TAFA2: variants seen among roughly 807,000 people sequenced by gnomAD.
TAFA2 encodes the protein TAFA chemokine like family member 2.
In TAFA2, 7 loss-of-function variants were observed where a neutral mutation model predicts 18.8. The observed-to-expected ratio is 0.37, with a 90% CI of 0.21 to 0.70. The LOEUF (loss-of-function observed/expected upper bound fraction) is 0.70. TAFA2 is among the 30% of genes least tolerant of loss of function. The pLI is 0.53. For missense variants in TAFA2, 122 were observed against 158.1 expected (o/e 0.77, Z 1.23); for synonymous variants, 60 against 54.2 (o/e 1.11, Z -0.47).
chr12:62,251,094 T>C (rs1183787589), intron 1 of TAFA2, among the ~76,000 whole-genome samples: 1 of 152,212 alleles, frequency 6.6e-6, no homozygotes, highest in Non-Finnish European at 1.5e-5. Context: ...AGTACAGTGC[T>C]GCCATAACTA....
At chr12:61,746,060 T>A (rs529878999) in intron 4 of TAFA2, among the ~76,000 whole-genome samples, 85 of 152,150 alleles carry the variant, frequency 5.6e-4, no homozygotes, top group African/African-American at 2.0e-3. Flanking sequence ...TTTAGTTGTG[T>A]CCCCACCCAA....
chr12:62,087,235 C>T (rs1355995026), intron 1 of TAFA2, among the ~76,000 whole-genome samples: 1 of 151,984 alleles, frequency 6.6e-6, no homozygotes, highest in Non-Finnish European at 1.5e-5. Flanking sequence ...GATGGTTATA[C>T]AACAATGTGA....
At chr12:62,223,229 AG>A (rs533521625) in intron 1 of TAFA2, among the ~76,000 whole-genome samples, 1 of 152,270 alleles carries the variant, frequency 6.6e-6, no homozygotes, top group African/African-American at 2.4e-5. Flanking sequence ...GGAATGGTGC[AG>A]GGGCATGATC....
intron 1 of TAFA2, among the ~76,000 whole-genome samples, chr12:62,002,947 A>T (rs1565711927): frequency 2.0e-5 from 3 of 151,994 alleles, no homozygotes; most frequent in African/African-American, 7.3e-5. Context: ...AATTCTACCA[A>T]TTTTTTATGT....
intron 1 of TAFA2, among the ~76,000 whole-genome samples, chr12:61,930,346 T>A (rs1005290321): frequency 1.3e-5 from 2 of 152,156 alleles, no homozygotes; most frequent in Non-Finnish European, 2.9e-5. Flanking sequence ...TAAAAAATTA[T>A]AAGGAAGTTT....
At chr12:61,747,097 G>C (rs1475001880) in intron 4 of TAFA2, among the ~76,000 whole-genome samples, 2 of 152,144 alleles carry the variant, frequency 1.3e-5, no homozygotes, top group African/African-American at 2.4e-5. Flanking sequence ...CATTTATGCA[G>C]CCAAAAAACA....
intron 1 of TAFA2, among the ~76,000 whole-genome samples, chr12:61,960,784 A>AC (rs1878857288): frequency 6.6e-6 from 1 of 151,724 alleles, no homozygotes; most frequent in Admixed American, 6.6e-5. Context: ...CCAAAAAAAA[A>AC]AAAAATCTTC....
intron 4 of TAFA2, 118 bp from the exon 5 acceptor site, chr12:61,710,535 AT>A (rs1869350158): frequency 1.3e-6 from 1 of 745,098 alleles, no homozygotes; most frequent in Non-Finnish European, 2.2e-6. Flanking sequence ...TATCAAATGC[AT>A]TACTTAATTT....
chr12:61,717,150 T>TA (rs1433711560), intron 4 of TAFA2, among the ~76,000 whole-genome samples: 1 of 152,224 alleles, frequency 6.6e-6, no homozygotes, highest in Admixed American at 6.5e-5. Flanking sequence ...TACTCTGCAG[T>TA]AGCAGGTTTT....
chr12:61,874,734 A>G (rs1212897600), intron 1 of TAFA2, among the ~76,000 whole-genome samples: 1 of 152,158 alleles, frequency 6.6e-6, no homozygotes, highest in Non-Finnish European at 1.5e-5. Context: ...TCCAAAACAG[A>G]AGACAATGCT....
intron 1 of TAFA2, among the ~76,000 whole-genome samples, chr12:61,907,479 A>C (rs1343491948): frequency 6.6e-6 from 1 of 152,206 alleles, no homozygotes; most frequent in Non-Finnish European, 1.5e-5. Context: ...GGGAACCTCC[A>C]CCTAGATTTC....
chr12:61,800,567 C>T (rs903475619), intron 2 of TAFA2, among the ~76,000 whole-genome samples: 1 of 152,040 alleles, frequency 6.6e-6, no homozygotes, highest in Non-Finnish European at 1.5e-5. Flanking sequence ...TTTGCTACAA[C>T]AGTGAAATCT....
chr12:62,026,331 A>G (rs1227938193), intron 1 of TAFA2, among the ~76,000 whole-genome samples: 1 of 152,138 alleles, frequency 6.6e-6, no homozygotes, highest in Non-Finnish European at 1.5e-5. Flanking sequence ...AGTTCCTTTG[A>G]GGTTTGCCCT....
intron 1 of TAFA2, among the ~76,000 whole-genome samples, chr12:62,028,013 G>C (rs552765152): frequency 9.2e-5 from 14 of 152,210 alleles, no homozygotes; most frequent in Admixed American, 2.6e-4. Flanking sequence ...CTAGGTCTTG[G>C]TTTCCTAACT....
chr12:62,168,035 T>G (rs74669911), intron 1 of TAFA2, among the ~76,000 whole-genome samples: 2,313 of 152,276 alleles, frequency 0.015, 66 homozygotes, highest in African/African-American at 0.052. Flanking sequence ...ATGCTAAAGA[T>G]TCCACTAATA....
rs150784945 is a variant in TAFA2, at chr12:62,073,212, C to T, written c.-2+118047G>A. Among the ~76,000 whole-genome samples the T allele has an allele frequency of 6.1e-3, 935 of 152,304 alleles. 17 individuals are homozygous for T. The highest frequency in any genetic ancestry group is 0.022 in the African/African-American group (906 of 41,552). On this transcript the variant is annotated intron_variant, in intron 1 of 4. Transcript: ENST00000416284. The stretch of plus-strand genomic sequence containing the variant: ...AATCTGAAAAACATCCTACGGATAT[C>T]CTAAATGTTCACCAGAAGATTTCAC...
chr12:62,172,544 C>T (rs2062485191), intron 1 of TAFA2, among the ~76,000 whole-genome samples: 1 of 152,128 alleles, frequency 6.6e-6, no homozygotes, highest in Non-Finnish European at 1.5e-5. Context: ...AATGAAGTAC[C>T]ACAGGCACTA....
intron 1 of TAFA2, among the ~76,000 whole-genome samples, chr12:61,941,997 G>C (rs1019893145): frequency 2.0e-5 from 3 of 151,922 alleles, no homozygotes; most frequent in African/African-American, 7.3e-5. Context: ...ACCTCTGGGG[G>C]CAGGGCACAG....
At chr12:61,880,719 G>A (rs534768907) in intron 1 of TAFA2, 3 of 370,718 alleles carry the variant, frequency 8.1e-6, no homozygotes, top group Admixed American at 3.1e-5. Flanking sequence ...TGTGAAGATC[G>A]AGACCCGCGA....
Sources: gnomAD v4.1 joint callset for allele counts (sites outside exome capture counted in the v4.1 genomes callset) on GRCh38, gnomAD v4.1.1 for gene constraint, MANE v1.5 for transcripts, NCBI Gene and HGNC (gene_info 2026-07-23, HGNC 2026-07-21) for gene names.